ATF7IP: variants seen among roughly 807,000 people sequenced by gnomAD.
ATF7IP encodes the protein activating transcription factor 7 interacting protein, also known as activating transcription factor 7-interacting protein 1.
A neutral mutation model predicts 106.4 loss-of-function variants in ATF7IP; 23 were observed. The ratio of observed to expected loss-of-function variants is 0.22; its 90% CI spans 0.16 to 0.31. The LOEUF is 0.31. Among genes scored for constraint, ATF7IP ranks in the 10% least tolerant of loss-of-function variants. The pLI is 1.00. For synonymous variants in ATF7IP, 542 were observed against 539.0 expected (o/e 1.01, Z -0.08); for missense variants, 1,334 against 1,524.3 (o/e 0.88, Z 2.08).
rs529945282 is a variant in ATF7IP at position 14,495,051 on chromosome 12, G to C, written c.3281-1180G>C. Among the ~76,000 whole-genome samples the C allele has an allele frequency of 7.9e-5, 12 of 152,044 alleles. No individual in the cohort carries two copies. The East Asian group carries it at 1.9e-3, about 25-fold the overall frequency. On this transcript the variant is annotated intron_variant, in intron 13 of 14. Coordinates refer to ENST00000261168, the MANE Select transcript of ATF7IP (RefSeq NM_018179.5). ...GGAGGCCAATGTTCCAGGGCAGGAA[G>C]CATCCAGCACAGGAAAAAGATGTAG...
At chr12:14,422,649 C>A (rs375493864) in intron 1 of ATF7IP, among the ~76,000 whole-genome samples, 2 of 152,138 alleles carry the variant, frequency 1.3e-5, no homozygotes, top group South Asian at 2.1e-4. Context: ...TTGAATCATT[C>A]AGTATGTGGC....
At chr12:14,458,856 A>ACTTGGATGGAGTTTTT (rs1406356866) in intron 8 of ATF7IP, among the ~76,000 whole-genome samples, 1 of 152,056 alleles carries the variant, frequency 6.6e-6, no homozygotes, top group East Asian at 1.9e-4. Flanking sequence ...TCTATCTTGC[A>ACTTGGATGGAGTTTTT]CTTGGATGGA....
chr12:14,486,430 T>C (rs147855166), intron 13 of ATF7IP, among the ~76,000 whole-genome samples: 72 of 152,156 alleles, frequency 4.7e-4, no homozygotes, highest in African/African-American at 1.7e-3. Flanking sequence ...AGGAATGTAG[T>C]GGGGTCTTTC....
At chr12:14,480,000 G>C (rs1944383988) in intron 12 of ATF7IP, among the ~76,000 whole-genome samples, 1 of 151,342 alleles carries the variant, frequency 6.6e-6, no homozygotes. Flanking sequence ...GGGGAGTAAA[G>C]AGATGAAAAA....
At chr12:14,456,969 G>C (rs1405312475) in intron 7 of ATF7IP, among the ~76,000 whole-genome samples, 2 of 152,204 alleles carry the variant, frequency 1.3e-5, no homozygotes, top group East Asian at 3.8e-4. Flanking sequence ...TTCAGGTTAA[G>C]TACTGATAAC....
At chr12:14,414,382 G>A (rs769269068) in intron 1 of ATF7IP, among the ~76,000 whole-genome samples, 3 of 152,166 alleles carry the variant, frequency 2.0e-5, no homozygotes, top group Admixed American at 6.6e-5. Flanking sequence ...TTGTCCTGCC[G>A]AGGGCCCACA....
intron 10 of ATF7IP, among the ~76,000 whole-genome samples, chr12:14,468,983 C>T (rs1299783705): frequency 6.6e-6 from 1 of 152,144 alleles, no homozygotes; most frequent in Non-Finnish European, 1.5e-5. Context: ...TGAATTGTCA[C>T]ATTTTAAGTA....
chr12:14,450,588 T>A (rs1943166749), intron 6 of ATF7IP, among the ~76,000 whole-genome samples: 1 of 152,166 alleles, frequency 6.6e-6, no homozygotes, highest in South Asian at 2.1e-4. Context: ...GATTTTTATA[T>A]CAGTATTCAT....
intron 8 of ATF7IP, among the ~76,000 whole-genome samples, chr12:14,457,497 G>A (rs1430159954): frequency 6.6e-6 from 1 of 152,094 alleles, no homozygotes; most frequent in Non-Finnish European, 1.5e-5. Context: ...GGCTGAGGAG[G>A]ATTACCCAAA....
intron 1 of ATF7IP, among the ~76,000 whole-genome samples, chr12:14,375,222 T>TA (rs1468789695): frequency 1.3e-5 from 2 of 152,068 alleles, no homozygotes; most frequent in Admixed American, 1.3e-4. Context: ...TTTTTTTTTT[T>TA]AATCAAACAT....
chr12:14,433,869 C>G (rs1031969062), intron 2 of ATF7IP, among the ~76,000 whole-genome samples: 1 of 152,010 alleles, frequency 6.6e-6, no homozygotes, highest in Non-Finnish European at 1.5e-5. Flanking sequence ...CCTTTCCATT[C>G]CTTATTTATG....
At chr12:14,455,290 A>G (rs1299276477) in intron 6 of ATF7IP, among the ~76,000 whole-genome samples, 1 of 151,358 alleles carries the variant, frequency 6.6e-6, no homozygotes, top group Non-Finnish European at 1.5e-5. Context: ...CAGTTATTTT[A>G]ATGTGCTTTT....
chr12:14,442,067 A>G (rs1275537531), intron 5 of ATF7IP, among the ~76,000 whole-genome samples: 3 of 152,040 alleles, frequency 2.0e-5, no homozygotes, highest in African/African-American at 7.2e-5. Flanking sequence ...CTTTTCTTCT[A>G]TATCTGATAC....
At chr12:14,450,033 A>G (rs528862975) in intron 6 of ATF7IP, among the ~76,000 whole-genome samples, 2 of 152,214 alleles carry the variant, frequency 1.3e-5, no homozygotes, top group South Asian at 2.1e-4. Context: ...TTGATTTTGT[A>G]TCCTGCAACA....
At chr12:14,376,889 A>G (rs575446692) in intron 1 of ATF7IP, among the ~76,000 whole-genome samples, 115 of 152,154 alleles carry the variant, frequency 7.6e-4, no homozygotes, top group Non-Finnish European at 1.3e-3. Flanking sequence ...TTGCGCCACT[A>G]CACTCCAGCG....
At chr12:14,375,530 G>T (rs1938703623) in intron 1 of ATF7IP, among the ~76,000 whole-genome samples, 1 of 150,832 alleles carries the variant, frequency 6.6e-6, no homozygotes, top group Non-Finnish European at 1.5e-5. Flanking sequence ...AACATTGAAA[G>T]ATAAAAATAA....
At chr12:14,390,137 T>TTA (rs56761403) in intron 1 of ATF7IP, among the ~76,000 whole-genome samples, 2,959 of 152,308 alleles carry the variant, frequency 0.019, 98 homozygotes, top group African/African-American at 0.068. Context: ...ACAGTTCCTT[T>TTA]TAAAGACCTA....
chr12:14,374,483 A>G (rs1278314674), intron 1 of ATF7IP, among the ~76,000 whole-genome samples: 1 of 152,020 alleles, frequency 6.6e-6, no homozygotes, highest in Non-Finnish European at 1.5e-5. Context: ...TTCTCTGCAT[A>G]TAGGCAAAAC....
At chr12:14,426,979 C>T (rs1209228583) in intron 2 of ATF7IP, among the ~76,000 whole-genome samples, 2 of 151,982 alleles carry the variant, frequency 1.3e-5, no homozygotes, top group African/African-American at 4.8e-5. Context: ...AAATCATAGG[C>T]CATTAAATAC....
Sources: allele counts gnomAD v4.1 joint callset (sites outside exome capture counted in the v4.1 genomes callset), GRCh38; gene constraint gnomAD v4.1.1; transcripts MANE v1.5; gene names NCBI Gene and HGNC (gene_info 2026-07-23, HGNC 2026-07-21).